The following PLA2G4A variants were observed in gnomAD, a reference collection of about 807,000 sequenced individuals.
PLA2G4A encodes cytosolic phospholipase A2.
PLA2G4A carries 40 observed loss-of-function variants against 81.9 expected under a neutral mutation model. That is an observed-to-expected ratio of 0.49 (90% CI 0.38 to 0.64). The LOEUF is 0.64. Ranked by LOEUF, PLA2G4A falls within the 30% of genes least tolerant of loss-of-function variation. The pLI is 0.00. For synonymous variants in PLA2G4A, 302 were observed against 296.9 expected (o/e 1.02, Z -0.18); for missense variants, 715 against 905.1 (o/e 0.79, Z 2.69).
chr1:186,911,718 C>A (rs992121398), intron 7 of PLA2G4A, among the ~76,000 whole-genome samples: 1 of 152,100 alleles, frequency 6.6e-6, no homozygotes, highest in African/African-American at 2.4e-5. Flanking sequence ...CAAGTTTAGT[C>A]AGGTTCTCCA....
chr1:186,927,632 A>G (rs1655595127), intron 7 of PLA2G4A, among the ~76,000 whole-genome samples: 1 of 152,228 alleles, frequency 6.6e-6, no homozygotes, highest in Non-Finnish European at 1.5e-5. Flanking sequence ...GACAATAAGG[A>G]CCATATTTCA....
At position 186,901,955 on chromosome 1, in the gene PLA2G4A, T is replaced by G. The variant is rs11799495; in HGVS notation, c.379-5010T>G. Among the ~76,000 whole-genome samples the G allele has an allele frequency of 6.9e-4, 105 of 152,326 alleles. 2 individuals are homozygous for G. Among genetic ancestry groups the G allele is most frequent in the African/African-American group, 2.4e-3 (98 of 41,572 alleles). ...AATATTATGTGTAGCTATATGTTGC[T>G]TAACAATGGGGATACATGCTGAGAA... On this transcript the variant is annotated intron_variant, in intron 5 of 17. Coordinates refer to ENST00000367466, the MANE Select transcript of PLA2G4A (RefSeq NM_024420.3).
intron 9 of PLA2G4A, 149 bp downstream of exon 9, chr1:186,939,379 TC>T: frequency 2.4e-6 from 1 of 422,378 alleles, no homozygotes; most frequent in Non-Finnish European, 4.1e-6. Flanking sequence ...GAGCCCATTC[TC>T]CCCACCAGAG....
chr1:186,835,331 G>A (rs1027676607), intron 1 of PLA2G4A, among the ~76,000 whole-genome samples: 4 of 152,046 alleles, frequency 2.6e-5, no homozygotes, highest in African/African-American at 9.7e-5. Flanking sequence ...GCAGATAAAT[G>A]GTGTTTTAAG....
intron 2 of PLA2G4A, among the ~76,000 whole-genome samples, chr1:186,865,243 G>A (rs970671484): frequency 3.3e-5 from 5 of 151,706 alleles, no homozygotes; most frequent in Non-Finnish European, 5.9e-5. Context: ...AACAAATTAT[G>A]TTCCAAATTA....
At chr1:186,986,990 A>C (rs1657911484) in intron 17 of PLA2G4A, among the ~76,000 whole-genome samples, 1 of 152,362 alleles carries the variant, frequency 6.6e-6, no homozygotes, top group African/African-American at 2.4e-5. Flanking sequence ...CGAGAAGATA[A>C]TTACATATAT....
chr1:186,854,973 G>C (rs1482833782), intron 2 of PLA2G4A, among the ~76,000 whole-genome samples: 1 of 151,852 alleles, frequency 6.6e-6, no homozygotes, highest in South Asian at 2.1e-4. Context: ...TTGAGACTCA[G>C]GTTTATAAGA....
At chr1:186,959,370 T>C (rs1168674574) in intron 14 of PLA2G4A, among the ~76,000 whole-genome samples, 1 of 150,034 alleles carries the variant, frequency 6.7e-6, no homozygotes, top group East Asian at 2.0e-4. Context: ...AAATATGGCA[T>C]TATATAAACC....
chr1:186,834,403 G>A (rs1220304639), intron 1 of PLA2G4A, among the ~76,000 whole-genome samples: 5 of 151,734 alleles, frequency 3.3e-5, no homozygotes, highest in Non-Finnish European at 7.4e-5. Flanking sequence ...TTTAATGTCT[G>A]CCTTATGATT....
At chr1:186,985,681 T>G (rs1392503714) in intron 17 of PLA2G4A, among the ~76,000 whole-genome samples, 1 of 152,092 alleles carries the variant, frequency 6.6e-6, no homozygotes, top group Non-Finnish European at 1.5e-5. Context: ...TAGCAAAGAT[T>G]TAAGAGATCT....
chr1:186,969,144 TTGA>T (rs1657247470), intron 15 of PLA2G4A, among the ~76,000 whole-genome samples: 1 of 151,860 alleles, frequency 6.6e-6, no homozygotes, highest in Admixed American at 6.6e-5. Context: ...ACTTTTGTTG[TTGA>T]TGATTTTATT....
intron 2 of PLA2G4A, among the ~76,000 whole-genome samples, chr1:186,854,959 A>G (rs1652498121): frequency 6.6e-6 from 1 of 152,100 alleles, no homozygotes; most frequent in Admixed American, 6.6e-5. Context: ...ACTGAATTCA[A>G]CATTTGAGAC....
Position 186,940,023 on chromosome 1 carries a change from C to A in PLA2G4A, c.962C>A (p.Thr321Asn). ...AGCAGTTTGAAGGAAAAAGTTAATA[C>A]TGCACAATGCCCTTTACCTCTTTTC... is the stretch of plus-strand genomic sequence containing the variant. ...TLSSLKEKVN[T>N]AQCPLPLFTC... The change falls in exon 10 of 18, where the codon ACT becomes AAT. Residue 321 changes from threonine to asparagine, a missense_variant. Physicochemically the swap from Thr to Asn is moderately conservative, Grantham distance 65 (BLOSUM62 0). Transcript: ENST00000367466. The A allele has an allele frequency of 6.2e-7, 1 of 1,607,246 alleles. No individual in the cohort carries two copies.
intron 3 of PLA2G4A, among the ~76,000 whole-genome samples, chr1:186,878,124 TA>T (rs1438526363): frequency 1.2e-4 from 15 of 123,904 alleles, no homozygotes; most frequent in African/African-American, 5.1e-4. Context: ...TATATCTATA[TA>T]AATATATCTT....
chr1:186,833,436 T>C (rs999677034), intron 1 of PLA2G4A, among the ~76,000 whole-genome samples: 2 of 152,116 alleles, frequency 1.3e-5, no homozygotes, highest in African/African-American at 4.8e-5. Flanking sequence ...ATATTATTGG[T>C]TGTGAACAAC....
At chr1:186,916,090 G>A (rs1441318780) in intron 7 of PLA2G4A, among the ~76,000 whole-genome samples, 1 of 152,084 alleles carries the variant, frequency 6.6e-6, no homozygotes, top group East Asian at 1.9e-4. Context: ...CAAATTTCTT[G>A]TTTTTCCTGG....
chr1:186,910,959 C>T (rs1250507492), intron 6 of PLA2G4A, among the ~76,000 whole-genome samples: 1 of 152,212 alleles, frequency 6.6e-6, no homozygotes, highest in Non-Finnish European at 1.5e-5. Flanking sequence ...TACTGAAGCC[C>T]TTCCAAGTCT....
intron 17 of PLA2G4A, among the ~76,000 whole-genome samples, chr1:186,983,165 G>T (rs1002810047): frequency 2.0e-5 from 3 of 151,656 alleles, no homozygotes; most frequent in Non-Finnish European, 4.4e-5. Flanking sequence ...GGTACTTAAA[G>T]AGCAACAAAA....
intron 2 of PLA2G4A, among the ~76,000 whole-genome samples, chr1:186,867,204 A>AT (rs1460046622): frequency 6.6e-6 from 1 of 152,064 alleles, no homozygotes; most frequent in East Asian, 1.9e-4. Context: ...TTGCCTCTTC[A>AT]TATGAATTTT....
Sources: gnomAD v4.1 joint callset for allele counts (sites outside exome capture counted in the v4.1 genomes callset) on GRCh38, gnomAD v4.1.1 for gene constraint, MANE v1.5 for transcripts, NCBI Gene and HGNC (gene_info 2026-07-23, HGNC 2026-07-21) for gene names.